WASF1: variants seen among roughly 807,000 people sequenced by gnomAD.
WASF1 encodes actin-binding protein WASF1.
Under a neutral mutation model 50.5 loss-of-function variants are expected in WASF1, and 7 were observed. The ratio of observed to expected loss-of-function variants is 0.14; its 90% CI spans 0.08 to 0.26. The LOEUF (loss-of-function observed/expected upper bound fraction) is 0.26. WASF1 is among the 10% of genes least tolerant of loss of function. WASF1 has a pLI of 1.00. For missense variants in WASF1, 470 were observed against 694.7 expected, an observed-to-expected ratio of 0.68 and a Z score of 3.64; for synonymous variants, 205 against 244.0, an observed-to-expected ratio of 0.84 and a Z score of 1.49.
intron 6 of WASF1, 143 bp downstream of exon 6, chr6:110,108,385 G>C (rs79205957): frequency 1.4e-6 from 1 of 730,588 alleles, no homozygotes; most frequent in African/African-American, 1.8e-5. Flanking sequence ...ATGAATAAAA[G>C]CAAAGGTTTT....
At chr6:110,167,223 A>C (rs1776516290) in intron 2 of WASF1, among the ~76,000 whole-genome samples, 1 of 151,926 alleles carries the variant, frequency 6.6e-6, no homozygotes, top group African/African-American at 2.4e-5. Flanking sequence ...TGATAATAAT[A>C]AACTACTATA....
chr6:110,141,143 T>C (rs1246359993), intron 3 of WASF1, among the ~76,000 whole-genome samples: 2 of 152,166 alleles, frequency 1.3e-5, no homozygotes, highest in African/African-American at 2.4e-5. Flanking sequence ...TATTGCATTA[T>C]AAAAATTTTG....
chr6:110,174,763 G>T (rs974869046), intron 2 of WASF1, among the ~76,000 whole-genome samples: 1 of 151,978 alleles, frequency 6.6e-6, no homozygotes, highest in African/African-American at 2.4e-5. Context: ...CATTATTTTT[G>T]AATATCACTG....
chr6:110,107,274 T>C lies in WASF1; in HGVS notation c.423-80A>G, dbSNP rs549438808. 9 of 925,766 alleles carry C rather than the reference T, an allele frequency of 9.7e-6. No homozygotes were observed. The South Asian group carries it at 1.4e-4, about 14-fold the overall frequency. 57.3% of individuals were successfully genotyped at this position (925,766 alleles called of 1,614,324 possible). On this transcript the variant is annotated intron_variant, in intron 6 of 10. Transcript: ENST00000392589. Reference sequence around the variant, plus strand: ...ATAGAAATAATTTCACTAAAATGTTTATCCTCTTACATTAATAAAATACAG... The same window carrying C: ...ATAGAAATAATTTCACTAAAATGTTCATCCTCTTACATTAATAAAATACAG...
At chr6:110,165,411 C>G (rs564777912) in intron 2 of WASF1, among the ~76,000 whole-genome samples, 392 of 151,720 alleles carry the variant, frequency 2.6e-3, no homozygotes, top group Middle Eastern at 0.017. Flanking sequence ...GAACTATATA[C>G]ACTTTCAAAT....
intron 2 of WASF1, among the ~76,000 whole-genome samples, chr6:110,174,051 C>A (rs936665482): frequency 6.6e-6 from 1 of 152,246 alleles, no homozygotes; most frequent in African/African-American, 2.4e-5. Context: ...TCCTTAACCT[C>A]GTTAAACCAA....
chr6:110,159,053 T>C (rs1264461274), intron 3 of WASF1, among the ~76,000 whole-genome samples: 1 of 151,952 alleles, frequency 6.6e-6, no homozygotes, highest in African/African-American at 2.4e-5. Context: ...TATTCAGTCA[T>C]ACCATAAGCT....
intron 4 of WASF1, among the ~76,000 whole-genome samples, chr6:110,119,099 C>G (rs1287643639): frequency 6.6e-6 from 1 of 152,116 alleles, no homozygotes; most frequent in Non-Finnish European, 1.5e-5. Flanking sequence ...CAGGAAAGAT[C>G]TAAAATTGAC....
intron 3 of WASF1, among the ~76,000 whole-genome samples, chr6:110,142,997 CGTTT>C (rs1360639681): frequency 3.7e-5 from 5 of 135,812 alleles, no homozygotes; most frequent in Admixed American, 7.2e-5. Context: ...CAAGTTTCTT[CGTTT>C]ATTTTCCTGT....
chr6:110,158,927 G>C (rs113879569), intron 3 of WASF1, among the ~76,000 whole-genome samples: 2,628 of 151,930 alleles, frequency 0.017, 72 homozygotes, highest in African/African-American at 0.059. Context: ...TGAATTCAGA[G>C]TTCTATTTTT....
intron 5 of WASF1, among the ~76,000 whole-genome samples, chr6:110,111,961 G>A (rs1773577989): frequency 6.6e-6 from 1 of 151,600 alleles, no homozygotes; most frequent in African/African-American, 2.4e-5. Flanking sequence ...TCTTAATAAA[G>A]CTATTTTTTA....
intron 4 of WASF1, among the ~76,000 whole-genome samples, chr6:110,126,327 C>T (rs1028595397): frequency 6.6e-6 from 1 of 151,854 alleles, no homozygotes; most frequent in African/African-American, 2.4e-5. Flanking sequence ...AAAAAATGAC[C>T]ACTGAATGGA....
rs572442431 is a variant in WASF1 at position 110,105,517 on chromosome 6, C to T, written c.603G>A (p.Arg201=). Residue 201 remains arginine, a synonymous_variant, in exon 8 of 11, where the codon CGG becomes CGA. Transcript: ENST00000392589. ...CTTGGGCCAGCTTCTGCCATTCTCG[C>T]CGCCTGTCATGAGGTGCTCTTGGCA... ...EKVPRAPHDR[R]REWQKLAQGP... 1.9e-6 allele frequency: 3 copies of T among 1,614,054 alleles called. No homozygotes were observed. Among genetic ancestry groups the T allele is most frequent in the Admixed American group, 3.3e-5 (2 of 60,026 alleles).
intron 3 of WASF1, among the ~76,000 whole-genome samples, chr6:110,153,041 G>A (rs1021560147): frequency 6.6e-6 from 1 of 152,142 alleles, no homozygotes; most frequent in Non-Finnish European, 1.5e-5. Context: ...AGATGATTGA[G>A]ATTCATCCAT....
intron 3 of WASF1, among the ~76,000 whole-genome samples, chr6:110,150,056 T>C (rs1164177516): frequency 6.6e-6 from 1 of 152,150 alleles, no homozygotes; most frequent in Non-Finnish European, 1.5e-5. Flanking sequence ...TCTCGACAAA[T>C]TGGCCTCCCA....
intron 3 of WASF1, among the ~76,000 whole-genome samples, chr6:110,135,721 CTTTTT>C (rs139834112): frequency 3.5e-4 from 26 of 73,538 alleles, no homozygotes; most frequent in African/African-American, 1.4e-3. Context: ...GGAAGATTAT[CTTTTT>C]TTTTTTTTTT....
chr6:110,107,498 T>A (rs1240349321), intron 6 of WASF1, among the ~76,000 whole-genome samples: 1 of 152,174 alleles, frequency 6.6e-6, no homozygotes, highest in Non-Finnish European at 1.5e-5. Context: ...GCAATTCCAA[T>A]AATTACAAAT....
At chr6:110,124,235 CCTCT>C (rs10684587) in intron 4 of WASF1, among the ~76,000 whole-genome samples, 24 of 11,014 alleles carry the variant, frequency 2.2e-3, no homozygotes, top group South Asian at 7.8e-3. Flanking sequence ...TCCTCTCTCT[CCTCT>C]CTCTCTCTCT....
intron 2 of WASF1, among the ~76,000 whole-genome samples, chr6:110,161,442 A>G (rs919948128): frequency 6.6e-6 from 1 of 151,548 alleles, no homozygotes; most frequent in Non-Finnish European, 1.5e-5. Flanking sequence ...GATCCCCCGA[A>G]TAAGCTTATT....
Sources: gnomAD v4.1 joint callset for allele counts (sites outside exome capture counted in the v4.1 genomes callset) on GRCh38, gnomAD v4.1.1 for gene constraint, MANE v1.5 for transcripts, NCBI Gene and HGNC (gene_info 2026-07-23, HGNC 2026-07-21) for gene names.